Variants in NDST3 observed in about 807,000 individuals in gnomAD.
NDST3 encodes the protein bifunctional heparan sulfate N-deacetylase/N-sulfotransferase 3.
A neutral mutation model predicts 96.1 loss-of-function variants in NDST3; 58 were observed. The observed-to-expected ratio is 0.60, with a 90% CI of 0.49 to 0.75. The LOEUF is 0.75. Among genes scored for constraint, NDST3 ranks in the 30% least tolerant of loss-of-function variants. The pLI is 0.00. For missense variants in NDST3, 788 were observed against 1,034.2 expected, an observed-to-expected ratio of 0.76 and a Z score of 3.27; for synonymous variants, 333 against 359.7, an observed-to-expected ratio of 0.93 and a Z score of 0.84.
At chr4:118,243,193 G>A (rs999217250) in intron 12 of NDST3, among the ~76,000 whole-genome samples, 5 of 151,870 alleles carry the variant, frequency 3.3e-5, no homozygotes, top group Non-Finnish European at 5.9e-5. Context: ...TCCACAGATC[G>A]AGTAGTTTTC....
At chr4:118,132,907 C>T (rs1304650964) in intron 4 of NDST3, among the ~76,000 whole-genome samples, 1 of 152,254 alleles carries the variant, frequency 6.6e-6, no homozygotes, top group Non-Finnish European at 1.5e-5. Flanking sequence ...GGTGCCCTCT[C>T]CTACTGTAGC....
At chr4:118,171,036 C>G (rs1017129895) in intron 6 of NDST3, among the ~76,000 whole-genome samples, 2 of 152,138 alleles carry the variant, frequency 1.3e-5, no homozygotes, top group African/African-American at 4.8e-5. Flanking sequence ...AGTACAAAAC[C>G]CCCATGAGTG....
At chr4:118,100,457 A>G (rs1020775218) in intron 2 of NDST3, among the ~76,000 whole-genome samples, 1 of 152,034 alleles carries the variant, frequency 6.6e-6, no homozygotes, top group Non-Finnish European at 1.5e-5. Context: ...ATCTATATCC[A>G]TATCTATTTC....
chr4:118,073,210 G>C (rs568639317), intron 2 of NDST3, among the ~76,000 whole-genome samples: 1 of 152,074 alleles, frequency 6.6e-6, no homozygotes, highest in African/African-American at 2.4e-5. Flanking sequence ...TCTCTGCCAG[G>C]TTTTGGTATC....
At chr4:118,134,484 G>A (rs1449432051) in intron 4 of NDST3, among the ~76,000 whole-genome samples, 4 of 152,166 alleles carry the variant, frequency 2.6e-5, no homozygotes, top group East Asian at 3.9e-4. Context: ...TGGTAGATTC[G>A]ACTAGGGTGA....
chr4:118,157,104 T>G (rs1001361573), intron 6 of NDST3, among the ~76,000 whole-genome samples: 1 of 152,164 alleles, frequency 6.6e-6, no homozygotes, highest in African/African-American at 2.4e-5. Context: ...ATCTGTGGTA[T>G]AGCCATACAA....
intron 4 of NDST3, among the ~76,000 whole-genome samples, chr4:118,120,386 T>C (rs1267081735): frequency 6.6e-6 from 1 of 152,006 alleles, no homozygotes; most frequent in East Asian, 1.9e-4. Flanking sequence ...GCGGGAAAGG[T>C]AAGGCAAGAC....
chr4:118,194,189 A>G, intron 6 of NDST3: 1 of 770,922 alleles, frequency 1.3e-6, no homozygotes, highest in Non-Finnish European at 2.3e-6. Context: ...AGGCAGATCC[A>G]GATTCTCCTG....
chr4:118,046,594 G>A (rs1724775045), intron 1 of NDST3, among the ~76,000 whole-genome samples: 1 of 152,156 alleles, frequency 6.6e-6, no homozygotes, highest in African/African-American at 2.4e-5. Context: ...TGGGTGCCTT[G>A]CTCCACCTGA....
chr4:118,132,924 G>A (rs1295676796), intron 4 of NDST3, among the ~76,000 whole-genome samples: 1 of 152,100 alleles, frequency 6.6e-6, no homozygotes, highest in Non-Finnish European at 1.5e-5. Flanking sequence ...TAGCTGAGCC[G>A]GTATCCAAGA....
intron 4 of NDST3, among the ~76,000 whole-genome samples, chr4:118,131,390 T>G (rs892361644): frequency 1.3e-5 from 2 of 151,908 alleles, no homozygotes; most frequent in African/African-American, 2.4e-5. Context: ...CTCTGATGCA[T>G]TCTTCAGTAT....
chr4:118,065,053 C>A (rs1726196198), intron 2 of NDST3, among the ~76,000 whole-genome samples: 1 of 152,138 alleles, frequency 6.6e-6, no homozygotes, highest in Admixed American at 6.6e-5. Flanking sequence ...CTCCCCATAT[C>A]AAAGTCCTTA....
intron 4 of NDST3, among the ~76,000 whole-genome samples, chr4:118,125,988 A>G (rs1204956387): frequency 6.6e-6 from 1 of 151,948 alleles, no homozygotes; most frequent in Non-Finnish European, 1.5e-5. Flanking sequence ...GCCAACATCC[A>G]TACCATTTCT....
Position 118,114,877 on chromosome 4 carries a change from A to C in NDST3, c.1141A>C (p.Met381Leu). 6.2e-7 allele frequency: 1 copy of C among 1,614,096 alleles called. No individual in the cohort carries two copies. Among genetic ancestry groups the C allele is most frequent in the Non-Finnish European group, 8.5e-7 (1 of 1,179,970 alleles). Residue 381 changes from methionine to leucine, a missense_variant, in exon 4 of 14, where the codon ATG becomes CTG. By Grantham distance (15) the Met-to-Leu change is conservative (BLOSUM62 2). Coordinates refer to ENST00000296499, the MANE Select transcript of NDST3 (RefSeq NM_004784.3). ...SVDEFWWFPH[M>L]WSHMQPHLFH... ...GGATGAGTTCTGGTGGTTTCCTCAC[A>C]TGTGGAGCCATATGCAGCCCCACCT...
intron 6 of NDST3, chr4:118,194,328 G>T (rs115419567): frequency 2.7e-6 from 2 of 733,366 alleles, no homozygotes; most frequent in South Asian, 1.4e-5. Flanking sequence ...TTCTTCTTCC[G>T]TCAGATCTTC....
intron 6 of NDST3, chr4:118,194,542 C>A: frequency 1.4e-6 from 1 of 725,708 alleles, no homozygotes. Flanking sequence ...CCTTGTGATC[C>A]AGACTGGGGT....
chr4:118,254,190 A>G (rs1391997938), intron 13 of NDST3, among the ~76,000 whole-genome samples: 2 of 150,700 alleles, frequency 1.3e-5, no homozygotes, highest in Non-Finnish European at 2.9e-5. Flanking sequence ...GGTCACAGTG[A>G]GCCCAGATTG....
intron 2 of NDST3, among the ~76,000 whole-genome samples, chr4:118,059,798 C>T (rs1466567452): frequency 3.3e-5 from 5 of 152,154 alleles, no homozygotes; most frequent in Non-Finnish European, 5.9e-5. Context: ...GTTCACTATT[C>T]ATGTGCTCTG....
chr4:118,180,100 G>GT (rs904800758), intron 6 of NDST3, among the ~76,000 whole-genome samples: 2 of 151,982 alleles, frequency 1.3e-5, no homozygotes, highest in Admixed American at 6.6e-5. Context: ...GGGTTTGTTT[G>GT]TTTTTTTAAC....
Sources: gnomAD v4.1 joint callset for allele counts (sites outside exome capture counted in the v4.1 genomes callset) on GRCh38, gnomAD v4.1.1 for gene constraint, MANE v1.5 for transcripts, NCBI Gene and HGNC (gene_info 2026-07-23, HGNC 2026-07-21) for gene names.